Variants in MYO1E observed in about 807,000 individuals in gnomAD.
The protein encoded by MYO1E is myosin IE.
MYO1E carries 68 observed loss-of-function variants against 151.1 expected under a neutral mutation model. That is an observed-to-expected ratio of 0.45 (90% CI 0.37 to 0.55). The LOEUF (loss-of-function observed/expected upper bound fraction) is 0.55, where lower values mean the gene tolerates loss of function less well. Ranked by LOEUF, MYO1E falls within the 20% of genes least tolerant of loss-of-function variation. The pLI is 0.00. For missense variants in MYO1E, 1,363 were observed against 1,389.3 expected (o/e 0.98, Z 0.30); for synonymous variants, 601 against 501.7 (o/e 1.20, Z -2.64).
intron 16 of MYO1E, among the ~76,000 whole-genome samples, chr15:59,200,708 C>T (rs1052127155): frequency 3.3e-5 from 5 of 152,230 alleles, no homozygotes; most frequent in South Asian, 2.1e-4. Context: ...TCAGAGCATA[C>T]ATATACATCT....
rs1234083660 is a variant in MYO1E at position 59,366,916 on chromosome 15, GA to G, written c.3+5581del. Among the ~76,000 whole-genome samples the G allele has an allele frequency of 8.9e-5, 7 of 79,022 alleles. No individual in the cohort carries two copies. In the East Asian group the frequency reaches 1.0e-3, roughly 12 times the overall value. The allele number at this position is 79,022 out of a possible 152,430, so 51.8% of individuals were successfully genotyped here. On this transcript the variant is annotated intron_variant, in intron 1 of 27. Transcript: ENST00000288235. The stretch of plus-strand genomic sequence containing the variant: ...AAATATTTCAGCATGGTGAGAAAAA[GA>G]AAAAAAAAGTTTTTAAAAACTCACC...
chr15:59,365,922 T>A (rs1201965830), intron 1 of MYO1E, among the ~76,000 whole-genome samples: 4 of 152,214 alleles, frequency 2.6e-5, no homozygotes, highest in African/African-American at 9.6e-5. Context: ...ATGATCACAC[T>A]GGGCACTAAG....
At chr15:59,353,648 TC>T (rs1169838526) in intron 1 of MYO1E, among the ~76,000 whole-genome samples, 72 of 150,706 alleles carry the variant, frequency 4.8e-4, no homozygotes, top group African/African-American at 1.7e-3. Flanking sequence ...TCCCAGCTAC[TC>T]GGAAGGCTGA....
chr15:59,233,661 TAAAAAAAAAA>T (rs11285934), intron 5 of MYO1E, among the ~76,000 whole-genome samples: 1 of 78,376 alleles, frequency 1.3e-5, no homozygotes, highest in Non-Finnish European at 2.3e-5. Flanking sequence ...AGACTCCGTC[TAAAAAAAAAA>T]AAAAAAAAAA....
At chr15:59,339,819 C>T (rs141931500) in intron 1 of MYO1E, among the ~76,000 whole-genome samples, 1 of 151,694 alleles carries the variant, frequency 6.6e-6, no homozygotes, top group Non-Finnish European at 1.5e-5. Context: ...GAGATACCTT[C>T]TCTACAAAAT....
chr15:59,185,360 C>T (rs2079689472), intron 18 of MYO1E, among the ~76,000 whole-genome samples: 1 of 152,148 alleles, frequency 6.6e-6, no homozygotes, highest in African/African-American at 2.4e-5. Context: ...TTCCATCTCC[C>T]TGGTTCAAGC....
chr15:59,289,927 A>G (rs1389282435), intron 1 of MYO1E, among the ~76,000 whole-genome samples: 2 of 152,236 alleles, frequency 1.3e-5, no homozygotes, highest in East Asian at 1.9e-4. Context: ...TCTGTGAAAT[A>G]TAATATGGCA....
At chr15:59,235,405 T>G (rs1242918510) in intron 5 of MYO1E, among the ~76,000 whole-genome samples, 1 of 151,824 alleles carries the variant, frequency 6.6e-6, no homozygotes, top group Non-Finnish European at 1.5e-5. Context: ...TCTCTTTTGA[T>G]CCCTCAAATG....
At position 59,224,812 on chromosome 15, in the gene MYO1E, G is replaced by T. The variant is rs373337685; in HGVS notation, c.654C>A (p.Gly218=). 1 of 1,614,168 alleles carries T rather than the reference G, an allele frequency of 6.2e-7. No individual in the cohort carries two copies. The highest frequency in any genetic ancestry group is 2.2e-5 in the East Asian group (1 of 44,878). ...GGCTGTGTTTCTGCTCTGCAGAGGC[G>T]CCCTCGATGAGCTGGAGCAAGAGAA... ...SFHIFYQLIE[G]ASAEQKHSLG... Residue 218 remains glycine (G), a synonymous_variant, in exon 8 of 28, where the codon GGC becomes GGA. Coordinates refer to ENST00000288235, the MANE Select transcript of MYO1E (RefSeq NM_004998.4).
intron 10 of MYO1E, among the ~76,000 whole-genome samples, chr15:59,217,535 T>TTTG (rs1184945544): frequency 2.2e-5 from 3 of 134,308 alleles, no homozygotes; most frequent in African/African-American, 8.3e-5. Context: ...TTTTTTTTTT[T>TTTG]TTTTTTGGGA....
chr15:59,204,655 C>A (rs982380442), intron 15 of MYO1E, among the ~76,000 whole-genome samples: 1 of 152,178 alleles, frequency 6.6e-6, no homozygotes, highest in African/African-American at 2.4e-5. Flanking sequence ...GATACCCTCC[C>A]TCTTCTACCC....
At chr15:59,324,912 G>A (rs1179152342) in intron 1 of MYO1E, among the ~76,000 whole-genome samples, 2 of 147,406 alleles carry the variant, frequency 1.4e-5, no homozygotes, top group Non-Finnish European at 3.0e-5. Flanking sequence ...AGTAATAGCT[G>A]GATTTGTTTT....
At chr15:59,353,448 G>A (rs2080836181) in intron 1 of MYO1E, among the ~76,000 whole-genome samples, 1 of 151,290 alleles carries the variant, frequency 6.6e-6, no homozygotes, top group African/African-American at 2.4e-5. Flanking sequence ...GTCTTATACT[G>A]GATTCTTTGT....
At chr15:59,207,805 G>A in intron 14 of MYO1E, 1 of 1,614,198 alleles carries the variant, frequency 6.2e-7, no homozygotes, top group Non-Finnish European at 8.5e-7. Context: ...AACTGCCTAT[G>A]AGATTATTAA....
intron 16 of MYO1E, 90 bp from the exon 17 acceptor site, chr15:59,195,657 T>C: frequency 2.6e-6 from 3 of 1,174,838 alleles, no homozygotes; most frequent in Non-Finnish European, 3.8e-6. Context: ...CTTGTAGAAA[T>C]ACATAGCTAG....
At chr15:59,212,204 T>A (rs1419061484) in intron 12 of MYO1E, among the ~76,000 whole-genome samples, 2 of 151,898 alleles carry the variant, frequency 1.3e-5, no homozygotes, top group African/African-American at 4.8e-5. Context: ...GAAACCCATA[T>A]GGAAACTACC....
intron 18 of MYO1E, 50 bp from the exon 19 acceptor site, chr15:59,178,587 G>C: frequency 1.9e-6 from 3 of 1,600,364 alleles, no homozygotes; most frequent in Non-Finnish European, 2.6e-6. Context: ...GGACCGCACT[G>C]GTTTTCTACC....
chr15:59,183,716 T>C (rs2079678682), intron 18 of MYO1E, among the ~76,000 whole-genome samples: 1 of 152,218 alleles, frequency 6.6e-6, no homozygotes, highest in South Asian at 2.1e-4. Flanking sequence ...TTTTAAAATG[T>C]ACAGTTAAAT....
At chr15:59,341,696 T>C (rs927319483) in intron 1 of MYO1E, among the ~76,000 whole-genome samples, 1 of 152,240 alleles carries the variant, frequency 6.6e-6, no homozygotes, top group African/African-American at 2.4e-5. Flanking sequence ...TTCTTTTTTA[T>C]TGCTGATTAG....
Sources: gnomAD v4.1 joint callset for allele counts (sites outside exome capture counted in the v4.1 genomes callset) on GRCh38, gnomAD v4.1.1 for gene constraint, MANE v1.5 for transcripts, NCBI Gene and HGNC (gene_info 2026-07-23, HGNC 2026-07-21) for gene names.